ROPN1B: variants seen among roughly 807,000 people sequenced by gnomAD.
The protein encoded by ROPN1B is ropporin-1B.
ROPN1B carries 13 observed loss-of-function variants against 23.7 expected under a neutral mutation model. That is an observed-to-expected ratio of 0.55 (90% confidence interval 0.36 to 0.87). ROPN1B has a LOEUF of 0.87. Ranked by LOEUF, ROPN1B falls within the 40% of genes least tolerant of loss-of-function variation. The pLI is 0.01. For missense variants in ROPN1B, 183 were observed against 249.2 expected (o/e 0.73, Z 1.79); for synonymous variants, 67 against 100.4 (o/e 0.67, Z 1.99).
chr3:125,982,299 T>C lies in ROPN1B; in HGVS notation c.426T>C (p.Cys142=). The C allele has an allele frequency of 1.2e-6, 2 of 1,612,214 alleles. No individual in the cohort carries two copies. Among genetic ancestry groups the C allele is most frequent in the Non-Finnish European group, 1.7e-6 (2 of 1,179,304 alleles). Reference sequence around the variant, plus strand: ...TTACCAAAACTCTCAAGATAGTGTGTGAGGTCTTATCATGTGACCACAATG... The same window carrying C: ...TTACCAAAACTCTCAAGATAGTGTGCGAGGTCTTATCATGTGACCACAATG... The part of the protein sequence containing the change: ...VTITKTLKIV[C]EVLSCDHNGG... Residue 142 remains cysteine, a synonymous_variant, in exon 6 of 7, where the codon TGT becomes TGC. Transcript: ENST00000514116.
chr3:125,973,774 T>C (rs531652838), intron 3 of ROPN1B: 1 of 152,560 alleles, frequency 6.6e-6, no homozygotes, highest in Admixed American at 6.5e-5. Context: ...TGAAAAGCAC[T>C]GCTCAGATGG....
At chr3:125,975,400 T>G (rs1456300583) in intron 3 of ROPN1B, 163 bp from the exon 4 acceptor site, 6 of 555,162 alleles carry the variant, frequency 1.1e-5, no homozygotes, top group African/African-American at 1.9e-5. Flanking sequence ...CATTCAGACT[T>G]TTCCCATATG....
chr3:125,983,106 G>A (rs1938666631), intron 6 of ROPN1B, 148 bp from the exon 7 acceptor site: 3 of 625,362 alleles, frequency 4.8e-6, no homozygotes, highest in Non-Finnish European at 5.7e-6. Context: ...CAGCCTGGAC[G>A]ACAGAGCCAG....
chr3:125,972,210 G>A (rs1378414142), intron 3 of ROPN1B, 40 bp downstream of exon 3: 2 of 1,606,766 alleles, frequency 1.2e-6, no homozygotes, highest in Non-Finnish European at 8.5e-7. Context: ...TGGAGGACGG[G>A]CGGGGAGAGA....
intron 6 of ROPN1B, among the ~76,000 whole-genome samples, chr3:125,982,998 G>T (rs1938661179): frequency 6.6e-6 from 1 of 152,116 alleles, no homozygotes; most frequent in African/African-American, 2.4e-5. Flanking sequence ...ACAAAAATTA[G>T]CTGGGCGTGG....
chr3:125,976,345 A>G lies in ROPN1B; in HGVS notation c.235-659A>G, dbSNP rs559763042. On this transcript the variant is annotated intron_variant, in intron 4 of 6. Coordinates refer to ENST00000514116, the MANE Select transcript of ROPN1B (RefSeq NM_001308313.2). Reference sequence around the variant, plus strand: ...ATCAGACAGTCAGGAAAGGTGTTGGAGCACTTCATCGGGCATCTGTGCTCT... The same window carrying G: ...ATCAGACAGTCAGGAAAGGTGTTGGGGCACTTCATCGGGCATCTGTGCTCT... 1.1e-4 allele frequency among the ~76,000 whole-genome samples: 16 copies of G among 152,336 alleles called. No individual in the cohort carries two copies. The East Asian group carries it at 2.9e-3, about 28-fold the overall frequency.
At chr3:125,974,112 T>C (rs1192977717) in intron 3 of ROPN1B, among the ~76,000 whole-genome samples, 1 of 152,358 alleles carries the variant, frequency 6.6e-6, no homozygotes, top group East Asian at 1.9e-4. Context: ...TCCAGAGATG[T>C]TGCTGCTGAG....
At chr3:125,980,039 CT>C (rs34018770) in intron 5 of ROPN1B, among the ~76,000 whole-genome samples, 16 of 152,134 alleles carry the variant, frequency 1.1e-4, no homozygotes, top group Middle Eastern at 3.4e-3. Context: ...GAAAGAATGA[CT>C]TTTTTTTAGC....
At chr3:125,975,002 G>A (rs1321444274) in intron 3 of ROPN1B, among the ~76,000 whole-genome samples, 2 of 151,952 alleles carry the variant, frequency 1.3e-5, no homozygotes, top group African/African-American at 4.8e-5. Flanking sequence ...CTTCAGAGAT[G>A]GGGGTCTTAC....
chr3:125,974,247 T>C (rs1444745001), intron 3 of ROPN1B, among the ~76,000 whole-genome samples: 1 of 152,184 alleles, frequency 6.6e-6, no homozygotes, highest in Non-Finnish European at 1.5e-5. Context: ...GCTCCTGTTG[T>C]CACAGTGCAC....
chr3:125,973,128 G>A (rs1938276177), intron 3 of ROPN1B: 1 of 342,358 alleles, frequency 2.9e-6, no homozygotes. Flanking sequence ...GGGTTTCAGT[G>A]GGAAAGTGAG....
In ROPN1B at chr3:125,975,444, A is replaced by T. The variant is rs887477340; in HGVS notation, c.117-119A>T. Reference sequence around the variant, plus strand: ...CTAAACACAATGACACATAGAAGCCACTTTACAAAGGTTCCTTTCTCTACC... The same window carrying T: ...CTAAACACAATGACACATAGAAGCCTCTTTACAAAGGTTCCTTTCTCTACC... On this transcript the variant is annotated intron_variant, in intron 3 of 6. Transcript: ENST00000514116. 6.9e-6 allele frequency: 7 copies of T among 1,014,238 alleles called. No individual in the cohort carries two copies. The African/African-American group carries it at 1.1e-4, about 16-fold the overall frequency. 62.8% of individuals were successfully genotyped at this position (1,014,238 alleles called of 1,614,324 possible). A position where few individuals can be genotyped will look rare whatever the true frequency, so the allele number is the denominator to read the frequency against.
intron 6 of ROPN1B, 107 bp downstream of exon 6, chr3:125,982,552 G>A: frequency 2.3e-6 from 2 of 886,724 alleles, no homozygotes; most frequent in Non-Finnish European, 3.3e-6. Context: ...GAACAGAAAA[G>A]TGAGGACATG....
At chr3:125,982,131 T>G (rs1938629955) in intron 5 of ROPN1B, 139 bp from the exon 6 acceptor site, 2 of 656,248 alleles carry the variant, frequency 3.0e-6, no homozygotes, top group African/African-American at 1.9e-5. Flanking sequence ...TGTAAAAATT[T>G]CAAGCTTTCT....
At chr3:125,982,514 G>C (rs1938644701) in intron 6 of ROPN1B, 69 bp downstream of exon 6, 1 of 1,350,598 alleles carries the variant, frequency 7.4e-7, no homozygotes, top group Admixed American at 2.4e-5. Flanking sequence ...CCAAGACAGA[G>C]TGAGATTATT....
intron 5 of ROPN1B, among the ~76,000 whole-genome samples, chr3:125,978,454 T>C (rs1157179127): frequency 6.6e-6 from 1 of 152,206 alleles, no homozygotes; most frequent in African/African-American, 2.4e-5. Context: ...TTTAGTCTGA[T>C]GCAGTAACTG....
In ROPN1B at chr3:125,976,585, G is replaced by A. The variant is rs150857049; in HGVS notation, c.235-419G>A. 6.4e-3 allele frequency among the ~76,000 whole-genome samples: 970 copies of A among 152,322 alleles called. 11 individuals are homozygous for A. Among genetic ancestry groups the A allele is most frequent in the African/African-American group, 0.022 (932 of 41,570 alleles). ...AGAGCTAAGAACTCAGTGCAATCGG[G>A]AAGAAACAGACCTATGTCTTGTTCT... On this transcript the variant is annotated intron_variant, in intron 4 of 6. Coordinates refer to ENST00000514116, the MANE Select transcript of ROPN1B (RefSeq NM_001308313.2).
intron 4 of ROPN1B, among the ~76,000 whole-genome samples, 184 bp downstream of exon 4, chr3:125,975,864 T>C: frequency 6.6e-6 from 1 of 152,222 alleles, no homozygotes; most frequent in African/African-American, 2.4e-5. Context: ...TGAAATAGGC[T>C]GCAGGCTGAG....
intron 3 of ROPN1B, chr3:125,973,737 A>C (rs1172852445): frequency 6.5e-6 from 1 of 152,762 alleles, no homozygotes; most frequent in East Asian, 1.9e-4. Context: ...GGCATGACCT[A>C]AGAGCCCCCT....
Sources: allele counts gnomAD v4.1 joint callset (sites outside exome capture counted in the v4.1 genomes callset), GRCh38; gene constraint gnomAD v4.1.1; transcripts MANE v1.5; gene names NCBI Gene and HGNC (gene_info 2026-07-23, HGNC 2026-07-21).